PARD3: variants seen among roughly 807,000 people sequenced by gnomAD.
PARD3 encodes partitioning defective 3 homolog.
Under a neutral mutation model 155.4 loss-of-function variants are expected in PARD3, and 75 were observed. That is an observed-to-expected ratio of 0.48 (90% CI 0.40 to 0.58). PARD3 has a LOEUF of 0.58. Ranked by LOEUF, PARD3 falls within the 20% of genes least tolerant of loss-of-function variation. PARD3 has a pLI of 0.00. For synonymous variants in PARD3, 576 were observed against 610.5 expected, an observed-to-expected ratio of 0.94 and a Z score of 0.83; for missense variants, 1,642 against 1,721.7, an observed-to-expected ratio of 0.95 and a Z score of 0.82.
chr10:34,330,598 T>G (rs893529224), intron 19 of PARD3, among the ~76,000 whole-genome samples: 1 of 152,216 alleles, frequency 6.6e-6, no homozygotes, highest in Admixed American at 6.5e-5. Flanking sequence ...TCAAATATTT[T>G]GATCTCAGGA....
intron 2 of PARD3, among the ~76,000 whole-genome samples, chr10:34,579,570 G>GTGTGTGTA (rs2087227966): frequency 7.2e-6 from 1 of 138,230 alleles, no homozygotes; most frequent in Admixed American, 7.1e-5. Context: ...GTGTGTGTGT[G>GTGTGTGTA]TGTGTGTGTG....
At chr10:34,614,674 C>T (rs2091132806) in intron 2 of PARD3, among the ~76,000 whole-genome samples, 1 of 152,122 alleles carries the variant, frequency 6.6e-6, no homozygotes, top group Non-Finnish European at 1.5e-5. Flanking sequence ...GATATTTTTG[C>T]TTAACTTTCT....
At chr10:34,531,091 G>C (rs1302190898) in intron 2 of PARD3, among the ~76,000 whole-genome samples, 3 of 152,180 alleles carry the variant, frequency 2.0e-5, no homozygotes, top group African/African-American at 7.2e-5. Context: ...AGGCTCAGGG[G>C]TTAGCAGCTT....
At chr10:34,372,045 T>C (rs1393253368) in intron 12 of PARD3, among the ~76,000 whole-genome samples, 1 of 152,182 alleles carries the variant, frequency 6.6e-6, no homozygotes, top group Non-Finnish European at 1.5e-5. Flanking sequence ...CTAACAACTA[T>C]GCTTAGCCTA....
chr10:34,698,355 C>A (rs1295514055), intron 1 of PARD3, among the ~76,000 whole-genome samples: 1 of 152,134 alleles, frequency 6.6e-6, no homozygotes, highest in African/African-American at 2.4e-5. Context: ...AGCACTTTCC[C>A]TTTCACAGCC....
At chr10:34,375,109 A>G in intron 10 of PARD3, 107 bp from the exon 11 acceptor site, 1 of 802,602 alleles carries the variant, frequency 1.2e-6, no homozygotes, top group African/African-American at 1.9e-5. Context: ...AGGACTAGCC[A>G]TATCTGCTAT....
intron 5 of PARD3, among the ~76,000 whole-genome samples, chr10:34,423,075 G>A (rs2075404203): frequency 6.6e-6 from 1 of 151,962 alleles, no homozygotes; most frequent in African/African-American, 2.4e-5. Context: ...CCCTGAATAA[G>A]AAAAATGTGT....
At chr10:34,607,204 C>T (rs1322044845) in intron 2 of PARD3, among the ~76,000 whole-genome samples, 2 of 152,136 alleles carry the variant, frequency 1.3e-5, no homozygotes, top group Admixed American at 1.3e-4. Context: ...AAAGTCATTA[C>T]TCAAGACCCA....
At chr10:34,252,804 C>T (rs576451928) in intron 22 of PARD3, among the ~76,000 whole-genome samples, 108 of 151,832 alleles carry the variant, frequency 7.1e-4, no homozygotes, top group Non-Finnish European at 1.3e-3. Flanking sequence ...TTTTCAAGAA[C>T]GGACTAGATA....
intron 2 of PARD3, among the ~76,000 whole-genome samples, chr10:34,553,989 A>G (rs1052300675): frequency 3.3e-5 from 5 of 152,246 alleles, no homozygotes; most frequent in African/African-American, 1.2e-4. Flanking sequence ...AGGCCAGGAT[A>G]CAAAAATTTA....
chr10:34,304,198 T>G (rs189475364), intron 20 of PARD3, among the ~76,000 whole-genome samples: 1 of 152,186 alleles, frequency 6.6e-6, no homozygotes. Flanking sequence ...GTAAAAATCC[T>G]TAAGAATTAT....
At chr10:34,119,480 T>G in intron 24 of PARD3, 133 bp downstream of exon 24, 11 of 839,214 alleles carry the variant, frequency 1.3e-5, no homozygotes, top group Non-Finnish European at 1.9e-5. Context: ...CCACGGGACA[T>G]TTATTGGTTC....
At chr10:34,150,675 T>C (rs1465502099) in intron 22 of PARD3, among the ~76,000 whole-genome samples, 8 of 152,134 alleles carry the variant, frequency 5.3e-5, no homozygotes, top group Non-Finnish European at 1.0e-4. Flanking sequence ...GCCTCAGGCT[T>C]GGGGAATACC....
At chr10:34,164,912 A>T (rs59935390) in intron 22 of PARD3, among the ~76,000 whole-genome samples, 10,874 of 152,150 alleles carry the variant, frequency 0.071, 1,008 homozygotes, top group East Asian at 0.3. Context: ...TAATCAAGTC[A>T]TTTACTGAAA....
rs1455847227 is a variant in PARD3 at position 34,119,703 on chromosome 10, G to A, written c.3578C>T (p.Ser1193Leu). 5.6e-6 allele frequency: 9 copies of A among 1,612,832 alleles called. No homozygotes were observed. The highest frequency in any genetic ancestry group is 1.1e-5 in the South Asian group (1 of 90,968). The change falls in exon 24 of 25, where the codon TCG (serine) becomes TTG (leucine). Residue 1193 changes from serine to leucine, a missense_variant. Around this residue, in one of 3 missense-constraint regions of PARD3, gnomAD observed 1,529 missense variants for 1,587.3 expected, o/e 0.96. Transcript: ENST00000374788. ...ARPATQSGRH[S>L]VSVEVQMQRQ... ...CTGCATCTGCACCTCCACGGACACCGAGTGTCGCCCGCTCTGCGTCGCCGG... is the reference window on the plus strand; with the variant it reads ...CTGCATCTGCACCTCCACGGACACCAAGTGTCGCCCGCTCTGCGTCGCCGG...
chr10:34,567,570 A>G (rs1255595001), intron 2 of PARD3, among the ~76,000 whole-genome samples: 1 of 152,236 alleles, frequency 6.6e-6, no homozygotes, highest in Non-Finnish European at 1.5e-5. Context: ...AGTCAGATTT[A>G]CAACCACTCA....
At chr10:34,607,017 G>T (rs1249466902) in intron 2 of PARD3, among the ~76,000 whole-genome samples, 14 of 149,496 alleles carry the variant, frequency 9.4e-5, no homozygotes. Flanking sequence ...GCATGAGCAT[G>T]TAAGTAGCTG....
chr10:34,691,254 G>T (rs923022192), intron 2 of PARD3, among the ~76,000 whole-genome samples: 1 of 152,066 alleles, frequency 6.6e-6, no homozygotes, highest in Non-Finnish European at 1.5e-5. Flanking sequence ...GTTTCAGGAT[G>T]CAAAACCAAT....
chr10:34,539,547 C>A (rs1038935270), intron 2 of PARD3, among the ~76,000 whole-genome samples: 4 of 152,286 alleles, frequency 2.6e-5, no homozygotes, highest in Non-Finnish European at 5.9e-5. Flanking sequence ...GTAATCCCAG[C>A]TACTCTGAAG....
Sources: gnomAD v4.1 joint callset for allele counts (sites outside exome capture counted in the v4.1 genomes callset) on GRCh38, gnomAD v4.1.1 for gene constraint, gnomAD v4.1.1 regional missense constraint, MANE v1.5 for transcripts, NCBI Gene and HGNC (gene_info 2026-07-23, HGNC 2026-07-21) for gene names.